TBXAS1: variants seen among roughly 807,000 people sequenced by gnomAD.
TBXAS1 encodes the protein thromboxane A synthase 1, also known as thromboxane-A synthase.
TBXAS1 carries 48 observed loss-of-function variants against 60.7 expected under a neutral mutation model. The ratio of observed to expected loss-of-function variants is 0.79; its 90% CI spans 0.63 to 1.01. TBXAS1 has a LOEUF of 1.01. Ranked by LOEUF, TBXAS1 falls within the 50% of genes least tolerant of loss-of-function variation. The pLI, the probability that TBXAS1 is intolerant of heterozygous loss-of-function variation, is 0.00. For missense variants in TBXAS1, 685 were observed against 686.3 expected (o/e 1.00, Z 0.02); for synonymous variants, 287 against 269.7 (o/e 1.06, Z -0.63).
chr7:139,848,327 A>C (rs1799966161), intron 1 of TBXAS1, among the ~76,000 whole-genome samples: 1 of 152,108 alleles, frequency 6.6e-6, no homozygotes, highest in Admixed American at 6.5e-5. Context: ...TATATGTCAA[A>C]GCTGTCAGTT....
At chr7:140,003,350 C>A (rs970128652) in intron 9 of TBXAS1, among the ~76,000 whole-genome samples, 104 of 152,120 alleles carry the variant, frequency 6.8e-4, no homozygotes, top group African/African-American at 2.3e-3. Flanking sequence ...GTTACAGGCA[C>A]CCACCACCAT....
At chr7:139,994,328 C>A (rs1813143387) in intron 9 of TBXAS1, among the ~76,000 whole-genome samples, 1 of 152,224 alleles carries the variant, frequency 6.6e-6, no homozygotes, top group Non-Finnish European at 1.5e-5. Flanking sequence ...CAGGCGTGAG[C>A]CATTGTGCCC....
At chr7:140,003,970 G>A (rs1813876131) in intron 9 of TBXAS1, among the ~76,000 whole-genome samples, 1 of 152,166 alleles carries the variant, frequency 6.6e-6, no homozygotes, top group African/African-American at 2.4e-5. Flanking sequence ...TGGTCTCTCT[G>A]TCCTTTGCTT....
chr7:139,792,694 G>A (rs753555303), intron 4 of TBXAS1, among the ~76,000 whole-genome samples: 40 of 152,284 alleles, frequency 2.6e-4, no homozygotes, highest in Admixed American at 7.2e-4. Context: ...TTACTCATAG[G>A]AGACTGAGTT....
intron 5 of TBXAS1, among the ~76,000 whole-genome samples, chr7:139,942,958 G>A (rs1808408204): frequency 6.6e-6 from 1 of 152,120 alleles, no homozygotes; most frequent in Admixed American, 6.5e-5. Context: ...AGTTGATATA[G>A]CCCGCTTATG....
At position 139,821,204 on chromosome 7, in the gene TBXAS1, A is replaced by ATT. The variant is rs879526490; in HGVS notation, c.-79-8108_-79-8107insTT. 2.0e-3 allele frequency among the ~76,000 whole-genome samples: 297 copies of ATT among 152,276 alleles called. 1 individual carries two copies. The highest frequency in any genetic ancestry group is 0.011 in the South Asian group (55 of 4,814). ...GAAGGGAGGAAGGTACAATTTACTG[A>ATT]GACGGGGGAGATGGGATGAGGTTAA... On this transcript the variant is annotated intron_variant, in intron 4 of 16. Coordinates refer to the TBXAS1 transcript ENST00000336425.
intron 3 of TBXAS1, among the ~76,000 whole-genome samples, chr7:139,783,811 A>G (rs1175917431): frequency 6.6e-6 from 1 of 152,198 alleles, no homozygotes; most frequent in Non-Finnish European, 1.5e-5. Context: ...CTGTCACGGC[A>G]GAGGGCAGTT....
At chr7:139,950,486 G>A (rs1809117991) in intron 5 of TBXAS1, among the ~76,000 whole-genome samples, 1 of 152,174 alleles carries the variant, frequency 6.6e-6, no homozygotes, top group Non-Finnish European at 1.5e-5. Flanking sequence ...GGGCACTCAT[G>A]AGTCTCAGAT....
At chr7:139,945,394 A>C (rs1808617690) in intron 5 of TBXAS1, among the ~76,000 whole-genome samples, 1 of 152,264 alleles carries the variant, frequency 6.6e-6, no homozygotes, top group Admixed American at 6.5e-5. Flanking sequence ...GACCAGCATG[A>C]GTCTCAGCTT....
At chr7:139,785,315 C>T (rs924668082) in intron 3 of TBXAS1, among the ~76,000 whole-genome samples, 1 of 152,040 alleles carries the variant, frequency 6.6e-6, no homozygotes, top group African/African-American at 2.4e-5. Flanking sequence ...TTGACATAGT[C>T]TCATTAGCTC....
At chr7:139,996,272 G>T (rs949126195) in intron 9 of TBXAS1, among the ~76,000 whole-genome samples, 7 of 152,050 alleles carry the variant, frequency 4.6e-5, no homozygotes, top group African/African-American at 1.7e-4. Flanking sequence ...AGCCATCAAT[G>T]GTCTCTCTTA....
intron 4 of TBXAS1, among the ~76,000 whole-genome samples, chr7:139,822,566 G>A (rs1798327514): frequency 6.6e-6 from 1 of 152,200 alleles, no homozygotes; most frequent in African/African-American, 2.4e-5. Flanking sequence ...CTCGTGCTCA[G>A]CGTGCAGAAC....
intron 3 of TBXAS1, among the ~76,000 whole-genome samples, chr7:139,880,238 C>T (rs1458399417): frequency 6.6e-6 from 1 of 152,112 alleles, no homozygotes; most frequent in Non-Finnish European, 1.5e-5. Context: ...TTAGCCTTAT[C>T]CCCGTTTCTT....
Position 139,872,246 on chromosome 7 carries a change from C to A in TBXAS1, c.101C>A (p.Ser34Ter), listed in dbSNP as rs752977856. 6.2e-7 allele frequency: 1 copy of A among 1,614,014 alleles called. No individual in the cohort carries two copies. The highest frequency in any genetic ancestry group is 8.5e-7 in the Non-Finnish European group (1 of 1,179,880). The change falls in exon 2 of 13, where the codon TCA (serine) becomes TAA (stop). Residue 34 changes from serine to a stop codon, truncating the protein, a stop_gained. Coordinates refer to ENST00000448866, the MANE Select transcript of TBXAS1 (RefSeq NM_001061.7). LOFTEE classifies it high-confidence loss of function. The stretch of plus-strand genomic sequence containing the variant: ...GCTTTTCCCTCCAGGTACTCCACAT[C>A]AGCATTCTCAAGACTGGAGAAGTTA... ...LLALLKWYSTSAFSRLEKLGL... is the reference protein window; with the variant it reads ...LLALLKWYST
rs191837425 is a variant in TBXAS1 at position 140,016,433 on chromosome 7, C to A, written c.1364+573C>A. The A allele has an allele frequency of 2.1e-4, 64 of 297,846 alleles. 1 individual carries two copies. The highest frequency in any genetic ancestry group is 3.9e-4 in the Non-Finnish European group (58 of 149,234). 18.5% of individuals were successfully genotyped at this position (297,846 alleles called of 1,614,324 possible). ...GAGATTTAGCATTTCAGCAGCCCTG[C>A]ATGCAAGGAACAAGGCAATTTCAAA... On this transcript the variant is annotated intron_variant, in intron 11 of 12. Coordinates refer to ENST00000448866, the MANE Select transcript of TBXAS1 (RefSeq NM_001061.7).
chr7:139,812,457 G>A (rs1372662946), intron 4 of TBXAS1, among the ~76,000 whole-genome samples: 1 of 152,182 alleles, frequency 6.6e-6, no homozygotes, highest in Non-Finnish European at 1.5e-5. Context: ...ATTTTTGGAA[G>A]TTCAGACAAA....
At chr7:139,784,459 A>G (rs982782166) in intron 3 of TBXAS1, among the ~76,000 whole-genome samples, 3 of 152,198 alleles carry the variant, frequency 2.0e-5, no homozygotes, top group Non-Finnish European at 2.9e-5. Context: ...GCAGCAGTAA[A>G]AAGGATGCAC....
intron 1 of TBXAS1, among the ~76,000 whole-genome samples, chr7:139,833,763 A>T (rs1798878502): frequency 4.6e-5 from 7 of 152,228 alleles, no homozygotes. Context: ...AAAATATCAC[A>T]GTCTTAAACA....
chr7:139,840,137 C>G (rs194152), intron 1 of TBXAS1, among the ~76,000 whole-genome samples: 46,995 of 152,046 alleles, frequency 0.31, 9,226 homozygotes, highest in Non-Finnish European at 0.44. Context: ...ACCACTATGC[C>G]TGGAAGTTCC....
Sources: gnomAD v4.1 joint callset for allele counts (sites outside exome capture counted in the v4.1 genomes callset) on GRCh38, gnomAD v4.1.1 for gene constraint, MANE v1.5 for transcripts, NCBI Gene and HGNC (gene_info 2026-07-23, HGNC 2026-07-21) for gene names.